Variants in RPH3A observed in about 807,000 individuals in gnomAD.
The protein encoded by RPH3A is rabphilin 3A.
A neutral mutation model predicts 102.2 loss-of-function variants in RPH3A; 48 were observed. That is an observed-to-expected ratio of 0.47 (90% CI 0.37 to 0.60). The LOEUF (loss-of-function observed/expected upper bound fraction) is 0.60. RPH3A is among the 20% of genes least tolerant of loss of function. RPH3A has a pLI of 0.00. For missense variants in RPH3A, 781 were observed against 910.1 expected (o/e 0.86, Z 1.83); for synonymous variants, 310 against 324.3 (o/e 0.96, Z 0.47).
intron 10 of RPH3A, among the ~76,000 whole-genome samples, chr12:112,871,034 G>A (rs1420550830): frequency 2.6e-5 from 4 of 152,206 alleles, no homozygotes; most frequent in Admixed American, 6.5e-5. Flanking sequence ...CCTCAGAGAG[G>A]CGATGCTACT....
At chr12:112,768,824 G>A (rs924126948) in intron 1 of RPH3A, among the ~76,000 whole-genome samples, 7 of 152,066 alleles carry the variant, frequency 4.6e-5, no homozygotes, top group African/African-American at 1.7e-4. Flanking sequence ...AGGAGGGAAG[G>A]TCATTTGAGC....
At chr12:112,708,588 C>T (rs2040440640) in intron 1 of RPH3A, among the ~76,000 whole-genome samples, 1 of 152,102 alleles carries the variant, frequency 6.6e-6, no homozygotes, top group Non-Finnish European at 1.5e-5. Flanking sequence ...TCCATTTGCT[C>T]CTCCAGAGGG....
chr12:112,832,096 T>C (rs1204270517), intron 3 of RPH3A, among the ~76,000 whole-genome samples: 1 of 152,118 alleles, frequency 6.6e-6, no homozygotes, highest in Non-Finnish European at 1.5e-5. Context: ...TAGACCTCCA[T>C]GTTGCTTATT....
intron 13 of RPH3A, 91 bp from the exon 14 acceptor site, chr12:112,879,028 A>T: frequency 1.7e-6 from 2 of 1,153,930 alleles, no homozygotes; most frequent in East Asian, 2.3e-5. Flanking sequence ...CTCAATTCAC[A>T]GCCCAGCCTG....
chr12:112,866,794 G>A lies in RPH3A; in HGVS notation c.398G>A (p.Arg133His), dbSNP rs148899308. Residue 133 changes from arginine (R) to histidine (H), a missense_variant, in exon 7 of 22, where the codon CGC becomes CAC. Coordinates refer to ENST00000389385, the MANE Select transcript of RPH3A (RefSeq NM_001143854.2). ...CTKCGVETNN[R>H]LHSVWLCKIC... ...AAGTGCGGAGTGGAGACCAACAACC[G>A]CCTGCATTCTGTGTGGCTCTGCAAA... The A allele has an allele frequency of 5.4e-5, 87 of 1,611,730 alleles. No homozygotes were observed. The East Asian group carries it at 1.1e-3, about 20-fold the overall frequency.
intron 1 of RPH3A, among the ~76,000 whole-genome samples, chr12:112,709,512 T>A (rs990292489): frequency 6.6e-6 from 1 of 150,434 alleles, no homozygotes; most frequent in Non-Finnish European, 1.5e-5. Flanking sequence ...CTCACGCCAC[T>A]GCACTCCAGC....
At chr12:112,655,564 T>TTC (rs1491430973) in intron 1 of RPH3A, among the ~76,000 whole-genome samples, 12 of 42,282 alleles carry the variant, frequency 2.8e-4, no homozygotes, top group Non-Finnish European at 4.7e-4. Flanking sequence ...TTTGTTGGTC[T>TTC]TTTTTTTTTT....
At chr12:112,717,237 T>C (rs1034283368) in intron 1 of RPH3A, among the ~76,000 whole-genome samples, 1 of 152,176 alleles carries the variant, frequency 6.6e-6, no homozygotes, top group Non-Finnish European at 1.5e-5. Flanking sequence ...TTTTGACGAA[T>C]GCATAGTGAC....
chr12:112,653,986 C>T (rs1055414718), intron 1 of RPH3A, among the ~76,000 whole-genome samples: 1 of 152,188 alleles, frequency 6.6e-6, no homozygotes, highest in African/African-American at 2.4e-5. Flanking sequence ...GACACATACA[C>T]TGTATTAGCT....
chr12:112,762,576 GA>G (rs1271544101), intron 1 of RPH3A, among the ~76,000 whole-genome samples: 3 of 152,076 alleles, frequency 2.0e-5, no homozygotes, highest in Non-Finnish European at 4.4e-5. Context: ...GGCTGAAGCA[GA>G]AAAAAATGTC....
intron 1 of RPH3A, among the ~76,000 whole-genome samples, chr12:112,667,404 T>C (rs961968374): frequency 1.3e-5 from 2 of 152,128 alleles, no homozygotes; most frequent in Admixed American, 6.6e-5. Flanking sequence ...TTTCTCCAAG[T>C]GTTCATCTTG....
chr12:112,861,777 G>A (rs920039944), intron 5 of RPH3A, among the ~76,000 whole-genome samples: 1 of 152,182 alleles, frequency 6.6e-6, no homozygotes, highest in Non-Finnish European at 1.5e-5. Flanking sequence ...ACTTTGGGAG[G>A]CCAAGTTGGG....
At chr12:112,868,660 G>C (rs2042654119) in intron 8 of RPH3A, 65 bp downstream of exon 8, 2 of 1,537,472 alleles carry the variant, frequency 1.3e-6, no homozygotes, top group Non-Finnish European at 1.8e-6. Flanking sequence ...TCTACCTGAG[G>C]GATGGCCTGA....
At chr12:112,664,986 T>C (rs2040074774) in intron 1 of RPH3A, among the ~76,000 whole-genome samples, 1 of 152,078 alleles carries the variant, frequency 6.6e-6, no homozygotes. Flanking sequence ...ATACCCCAGG[T>C]TGTCCTTCAG....
intron 2 of RPH3A, among the ~76,000 whole-genome samples, chr12:112,796,081 T>A (rs995076689): frequency 1.3e-5 from 2 of 152,064 alleles, no homozygotes; most frequent in African/African-American, 4.8e-5. Flanking sequence ...TCCCCATAAC[T>A]CAGTTTCTTC....
Position 112,635,109 on chromosome 12 carries a change from T to G in RPH3A, c.-140+59790T>G, listed in dbSNP as rs184849405. Among the ~76,000 whole-genome samples the G allele has an allele frequency of 9.8e-5, 15 of 152,338 alleles. No individual in the cohort carries two copies. In the East Asian group the frequency reaches 1.3e-3, roughly 14 times the overall value. On this transcript the variant is annotated intron_variant, in intron 1 of 21. Coordinates refer to the RPH3A transcript ENST00000543106. ...CCAACCTTTTCTGTAAAGGACTAGA[T>G]AGTAAATATTTTAGGGTTTGAGAGC...
intron 3 of RPH3A, among the ~76,000 whole-genome samples, chr12:112,836,110 G>A (rs950261008): frequency 1.3e-5 from 2 of 152,192 alleles, no homozygotes; most frequent in Admixed American, 6.5e-5. Context: ...GTTCAGGGCC[G>A]ATTGCTCTAC....
At chr12:112,802,834 C>T (rs1471840334) in intron 2 of RPH3A, among the ~76,000 whole-genome samples, 3 of 152,006 alleles carry the variant, frequency 2.0e-5, no homozygotes, top group African/African-American at 7.3e-5. Context: ...GGCCTCTGTC[C>T]TCTCCCCAGG....
At chr12:112,684,812 T>C (rs1370859755) in intron 1 of RPH3A, among the ~76,000 whole-genome samples, 2 of 152,174 alleles carry the variant, frequency 1.3e-5, no homozygotes. Context: ...TTACAAATAG[T>C]AGAAATTTAT....
Sources: gnomAD v4.1 joint callset for allele counts (sites outside exome capture counted in the v4.1 genomes callset) on GRCh38, gnomAD v4.1.1 for gene constraint, MANE v1.5 for transcripts, NCBI Gene and HGNC (gene_info 2026-07-23, HGNC 2026-07-21) for gene names.